INPP4B: variants seen among roughly 807,000 people sequenced by gnomAD.
INPP4B encodes inositol polyphosphate-4-phosphatase type II B.
In INPP4B, 55 loss-of-function variants were observed where a neutral mutation model predicts 122.5. That is an observed-to-expected ratio of 0.45 (90% CI 0.36 to 0.56). The LOEUF is 0.56. Ranked by LOEUF, INPP4B falls within the 20% of genes least tolerant of loss-of-function variation. The pLI is 0.00. For missense variants in INPP4B, 1,000 were observed against 1,097.7 expected, an observed-to-expected ratio of 0.91 and a Z score of 1.26; for synonymous variants, 403 against 388.7, an observed-to-expected ratio of 1.04 and a Z score of -0.43.
At chr4:142,755,151 T>C (rs1770330569) in intron 1 of INPP4B, among the ~76,000 whole-genome samples, 1 of 152,024 alleles carries the variant, frequency 6.6e-6, no homozygotes, top group Non-Finnish European at 1.5e-5. Context: ...AATCTGTTAA[T>C]CTTTTCTTAA....
At chr4:142,482,272 A>G (rs1820652290) in intron 2 of INPP4B, among the ~76,000 whole-genome samples, 1 of 151,976 alleles carries the variant, frequency 6.6e-6, no homozygotes, top group Non-Finnish European at 1.5e-5. Context: ...ACCTTCCTTT[A>G]TTGCTTCCTA....
At chr4:142,197,310 T>C (rs1838760470) in intron 14 of INPP4B, among the ~76,000 whole-genome samples, 1 of 152,006 alleles carries the variant, frequency 6.6e-6, no homozygotes, top group Non-Finnish European at 1.5e-5. Flanking sequence ...TTCTCTGACT[T>C]GGATATTTTT....
chr4:142,430,452 G>A (rs375108493), intron 4 of INPP4B, among the ~76,000 whole-genome samples: 3 of 152,038 alleles, frequency 2.0e-5, no homozygotes. Context: ...TAAAAGAGAA[G>A]GTTAGGCATA....
intron 2 of INPP4B, among the ~76,000 whole-genome samples, chr4:142,710,539 G>T (rs752034567): frequency 2.0e-5 from 3 of 152,056 alleles, no homozygotes; most frequent in Non-Finnish European, 4.4e-5. Flanking sequence ...TAATAAAGAG[G>T]AGAATGGAAA....
intron 5 of INPP4B, among the ~76,000 whole-genome samples, chr4:142,410,088 G>C (rs1454321925): frequency 6.6e-6 from 1 of 152,124 alleles, no homozygotes; most frequent in African/African-American, 2.4e-5. Flanking sequence ...ACCAATTTTG[G>C]CTGGAAGCCT....
At chr4:142,504,570 C>A (rs1823769703) in intron 2 of INPP4B, among the ~76,000 whole-genome samples, 1 of 152,024 alleles carries the variant, frequency 6.6e-6, no homozygotes, top group African/African-American at 2.4e-5. Context: ...CAAAAATAAA[C>A]ACAAAGACAA....
At chr4:142,319,342 ATG>A (rs577278709) in intron 7 of INPP4B, among the ~76,000 whole-genome samples, 7 of 152,322 alleles carry the variant, frequency 4.6e-5, no homozygotes, top group African/African-American at 7.2e-5. Context: ...CTGATAATGA[ATG>A]TGTCTCATTT....
At chr4:142,706,317 T>C (rs983838456) in intron 2 of INPP4B, among the ~76,000 whole-genome samples, 1 of 152,172 alleles carries the variant, frequency 6.6e-6, no homozygotes, top group Non-Finnish European at 1.5e-5. Context: ...TTAAACTCTG[T>C]GAGAGAGTGG....
intron 3 of INPP4B, among the ~76,000 whole-genome samples, chr4:142,434,159 T>C (rs959729971): frequency 6.6e-6 from 1 of 152,214 alleles, no homozygotes; most frequent in African/African-American, 2.4e-5. Context: ...AAACAAGATG[T>C]GCTAAATCCT....
At chr4:142,153,923 G>A (rs1815790493) in intron 17 of INPP4B, among the ~76,000 whole-genome samples, 1 of 152,252 alleles carries the variant, frequency 6.6e-6, no homozygotes. Context: ...CATTTTAATG[G>A]ACCAGTCATG....
intron 1 of INPP4B, among the ~76,000 whole-genome samples, chr4:142,837,494 G>A (rs903601153): frequency 2.0e-5 from 3 of 151,936 alleles, no homozygotes; most frequent in Non-Finnish European, 2.9e-5. Context: ...ATAAGTTTTC[G>A]AACATTTAAA....
At chr4:142,270,474 G>A (rs1218215886) in intron 10 of INPP4B, among the ~76,000 whole-genome samples, 189 bp downstream of exon 10, 4 of 152,206 alleles carry the variant, frequency 2.6e-5, no homozygotes, top group African/African-American at 9.6e-5. Flanking sequence ...GCTTTGCATA[G>A]TTCCAAGCAA....
At position 142,806,407 on chromosome 4, in the gene INPP4B, A is replaced by G. The variant is rs1204353650; in HGVS notation, c.-254+39802T>C. ...AAAATTTAAATACATTTTTTTAAAA[A>G]GAAACACCTTTCTCTAAAACACTGC... is the stretch of plus-strand genomic sequence containing the variant. On this transcript the variant is annotated intron_variant, in intron 1 of 25. Coordinates refer to ENST00000262992, the MANE Select transcript of INPP4B (RefSeq NM_001101669.3). Among the ~76,000 whole-genome samples the G allele has an allele frequency of 3.3e-5, 5 of 152,166 alleles. No individual in the cohort carries two copies. The East Asian group carries it at 9.6e-4, about 29-fold the overall frequency.
At chr4:142,395,624 C>T (rs1799121535) in intron 7 of INPP4B, among the ~76,000 whole-genome samples, 1 of 152,148 alleles carries the variant, frequency 6.6e-6, no homozygotes, top group African/African-American at 2.4e-5. Context: ...CATTGCAGCA[C>T]TATTCACAAT....
chr4:142,299,445 G>A (rs1049507672), intron 9 of INPP4B, among the ~76,000 whole-genome samples: 1 of 151,556 alleles, frequency 6.6e-6, no homozygotes, highest in African/African-American at 2.4e-5. Context: ...GTGAGCCATC[G>A]CATCCGGCCT....
chr4:142,115,605 A>G (rs907583136), intron 21 of INPP4B, among the ~76,000 whole-genome samples: 1 of 152,162 alleles, frequency 6.6e-6, no homozygotes, highest in Non-Finnish European at 1.5e-5. Flanking sequence ...ACAGACAAGC[A>G]AATACTGAGA....
At chr4:142,744,965 A>G (rs1768488205) in intron 1 of INPP4B, among the ~76,000 whole-genome samples, 2 of 151,826 alleles carry the variant, frequency 1.3e-5, no homozygotes, top group African/African-American at 2.4e-5. Context: ...AAGAAGGTAC[A>G]ATGGATAAGG....
intron 9 of INPP4B, among the ~76,000 whole-genome samples, chr4:142,294,859 C>G (rs75106485): frequency 1.3e-4 from 6 of 46,630 alleles, no homozygotes; most frequent in Non-Finnish European, 2.9e-4. Context: ...AAAAAAAAGG[C>G]AGACTTACGC....
chr4:142,799,219 C>G (rs900074872), intron 1 of INPP4B, among the ~76,000 whole-genome samples: 5 of 151,788 alleles, frequency 3.3e-5, no homozygotes, highest in African/African-American at 4.8e-5. Flanking sequence ...TGCTTTTCCC[C>G]ATATATATTT....
Sources: gnomAD v4.1 joint callset for allele counts (sites outside exome capture counted in the v4.1 genomes callset) on GRCh38, gnomAD v4.1.1 for gene constraint, MANE v1.5 for transcripts, NCBI Gene and HGNC (gene_info 2026-07-23, HGNC 2026-07-21) for gene names.